HTR2C: variants seen among roughly 807,000 people sequenced by gnomAD.
The protein encoded by HTR2C is 5-hydroxytryptamine (serotonin) receptor 2C, G protein-coupled.
Under a neutral mutation model 21.0 loss-of-function variants are expected in HTR2C, and 5 were observed. That is an observed-to-expected ratio of 0.24 (90% CI 0.12 to 0.50). The LOEUF (loss-of-function observed/expected upper bound fraction) is 0.50. Among genes scored for constraint, HTR2C ranks in the 20% least tolerant of loss-of-function variants. The pLI is 0.98. For synonymous variants in HTR2C, 150 were observed against 145.3 expected (o/e 1.03, Z -0.23); for missense variants, 271 against 371.2 (o/e 0.73, Z 2.22).
intron 4 of HTR2C, among the ~76,000 whole-genome samples, chrX:114,822,062 G>A (rs2070639233): frequency 9.1e-6 from 1 of 110,016 alleles, no homozygotes; most frequent in Admixed American, 9.7e-5. Flanking sequence ...GGCCAGGCTG[G>A]TCTCGAACTC....
intron 2 of HTR2C, among the ~76,000 whole-genome samples, chrX:114,704,344 C>G (rs1199463102): frequency 9.0e-6 from 1 of 111,288 alleles, no homozygotes; most frequent in African/African-American, 3.3e-5. Context: ...AGCAGCACAT[C>G]AAAAAGCTTA....
intron 2 of HTR2C, among the ~76,000 whole-genome samples, chrX:114,668,720 C>G (rs1385022469): frequency 9.0e-6 from 1 of 110,658 alleles, no homozygotes; most frequent in Non-Finnish European, 1.9e-5. Flanking sequence ...ATTTCATAAA[C>G]ATGCTCTTAC....
intron 4 of HTR2C, among the ~76,000 whole-genome samples, chrX:114,736,737 G>T (rs782511229): frequency 5.4e-5 from 6 of 111,490 alleles, no homozygotes; most frequent in African/African-American, 1.9e-4. Context: ...CATGAAGTAC[G>T]CAAAATTTAA....
chrX:114,828,152 G>T (rs1483470208), intron 4 of HTR2C, among the ~76,000 whole-genome samples: 1 of 110,636 alleles, frequency 9.0e-6, no homozygotes, highest in Non-Finnish European at 1.9e-5. Context: ...TCACACTGTT[G>T]TTCAGATTAT....
rs370035242 is a variant in HTR2C, at chrX:114,889,042, T to C, written c.551-17547T>C. Among the ~76,000 whole-genome samples, 20 of 112,371 alleles carry C rather than the reference T, an allele frequency of 1.8e-4. No individual in the cohort carries two copies. The East Asian group carries it at 4.2e-3, about 23-fold the overall frequency. The stretch of plus-strand genomic sequence containing the variant: ...TTCATATTTCTTTGAAATTCTCATA[T>C]ATTTTTATTGCAACTTGGACAATTT... On this transcript the variant is annotated intron_variant, in intron 5 of 5. Coordinates refer to ENST00000276198, the MANE Select transcript of HTR2C (RefSeq NM_000868.4).
intron 4 of HTR2C, among the ~76,000 whole-genome samples, chrX:114,791,834 A>G (rs2070235980): frequency 8.9e-6 from 1 of 111,773 alleles, no homozygotes; most frequent in African/African-American, 3.2e-5. Flanking sequence ...ATAATTATAA[A>G]ATGGCTAAGG....
intron 4 of HTR2C, among the ~76,000 whole-genome samples, chrX:114,833,337 TTTTTGGTTGGTA>T (rs1222510703): frequency 9.5e-6 from 1 of 105,369 alleles, no homozygotes; most frequent in Non-Finnish European, 2.0e-5. Flanking sequence ...TCCTGGACTC[TTTTTGGTTGGTA>T]AACTATTGAT....
chrX:114,694,377 G>A (rs1046766123), intron 2 of HTR2C, among the ~76,000 whole-genome samples: 2 of 97,232 alleles, frequency 2.1e-5, no homozygotes, highest in Non-Finnish European at 4.2e-5. Flanking sequence ...CTACTTGTGC[G>A]TTATGAAACC....
intron 3 of HTR2C, among the ~76,000 whole-genome samples, chrX:114,727,290 C>G (rs1556422294): frequency 8.9e-6 from 1 of 111,899 alleles, no homozygotes; most frequent in African/African-American, 3.2e-5. Context: ...AATTTCTGTC[C>G]TTTTCCTTCT....
At chrX:114,609,505 T>C (rs1023059810) in intron 1 of HTR2C, among the ~76,000 whole-genome samples, 6 of 111,693 alleles carry the variant, frequency 5.4e-5, no homozygotes, top group African/African-American at 2.0e-4. Flanking sequence ...TTGTAATTAC[T>C]CTTTTGGTTG....
At chrX:114,807,460 C>CATATATATACCATATATATACGCCAT (rs2070485452) in intron 4 of HTR2C, among the ~76,000 whole-genome samples, 3 of 69,509 alleles carry the variant, frequency 4.3e-5, no homozygotes, top group African/African-American at 1.7e-4. Flanking sequence ...ATATATACGC[C>CATATATATACCATATATATACGCCAT]ATATATATAT....
chrX:114,762,991 A>AT (rs1227735572), intron 4 of HTR2C, among the ~76,000 whole-genome samples: 21 of 112,095 alleles, frequency 1.9e-4, no homozygotes, highest in African/African-American at 6.8e-4. Flanking sequence ...GAGCAAATCA[A>AT]TTTTCATCAT....
rs1404899996 is a variant in HTR2C at position 114,702,930 on chromosome X, C to CT, written c.-79-23925dup. Among the ~76,000 whole-genome samples the CT allele has an allele frequency of 3.1e-5, 3 of 97,684 alleles. No homozygotes were observed. The Admixed American group carries it at 3.6e-4, about 12-fold the overall frequency. 84.8% of individuals were successfully genotyped at this position (97,684 alleles called of 115,157 possible). A position where few individuals can be genotyped will look rare whatever the true frequency, so the allele number is the denominator to read the frequency against. On this transcript the variant is annotated intron_variant, in intron 2 of 5. Transcript: ENST00000276198. ...CAATCCTAGTCTCTGATAAAACAGA[C>CT]TTTAAACCAACAAAGATAAAAAGAG... is the stretch of plus-strand genomic sequence containing the variant.
intron 2 of HTR2C, 57 bp from the exon 3 acceptor site, chrX:114,726,801 T>C: frequency 2.2e-6 from 1 of 445,371 alleles, no homozygotes; most frequent in Non-Finnish European, 3.8e-6. Context: ...AATTGGTTAC[T>C]ATGCAAGTTA....
At chrX:114,752,737 C>G (rs2069772783) in intron 4 of HTR2C, among the ~76,000 whole-genome samples, 1 of 110,870 alleles carries the variant, frequency 9.0e-6, no homozygotes, top group African/African-American at 3.3e-5. Flanking sequence ...TTCCCATCCT[C>G]TGTTACCAGC....
At chrX:114,589,337 G>C (rs1556390491) in intron 1 of HTR2C, among the ~76,000 whole-genome samples, 1 of 111,556 alleles carries the variant, frequency 9.0e-6, no homozygotes, top group African/African-American at 3.3e-5. Context: ...GTGAAGCTCA[G>C]GGGAGTTACA....
chrX:114,683,173 T>C (rs1304956661), intron 2 of HTR2C, among the ~76,000 whole-genome samples: 6 of 111,581 alleles, frequency 5.4e-5, no homozygotes, highest in Non-Finnish European at 9.4e-5. Flanking sequence ...TCAGTGGTTG[T>C]TACATACCCA....
rs2071401046 is a variant in HTR2C, at chrX:114,909,772, A to G, written c.*2357A>G. ...CATTTGGATATAAATCTTACCCTTC[A>G]ATGTTAAATCTACAAACTTTTATAA... On this transcript the variant is annotated 3_prime_UTR_variant, in exon 6 of 6. Transcript: ENST00000276198. 4 of 112,175 alleles carry G rather than the reference A, an allele frequency of 3.6e-5. No individual in the cohort carries two copies. The highest frequency in any genetic ancestry group is 1.3e-4 in the African/African-American group (4 of 30,778). The allele number at this position is 112,175 out of a possible 1,213,427, so 9.2% of individuals were successfully genotyped here. A position where few individuals can be genotyped will look rare whatever the true frequency, so the allele number is the denominator to read the frequency against.
intron 4 of HTR2C, among the ~76,000 whole-genome samples, chrX:114,777,824 C>T (rs962872728): frequency 8.9e-6 from 1 of 111,839 alleles, no homozygotes; most frequent in Non-Finnish European, 1.9e-5. Context: ...TCCCAAAGTG[C>T]TGGGATTACA....
Sources: gnomAD v4.1 joint callset for allele counts (sites outside exome capture counted in the v4.1 genomes callset) on GRCh38, gnomAD v4.1.1 for gene constraint, MANE v1.5 for transcripts, NCBI Gene and HGNC (gene_info 2026-07-23, HGNC 2026-07-21) for gene names.